The following NLRP1 variants were observed in gnomAD, a reference collection of about 807,000 sequenced individuals.
The protein encoded by NLRP1 is NACHT, LRR and PYD domains-containing protein 1.
A neutral mutation model predicts 136.7 loss-of-function variants in NLRP1; 94 were observed. The ratio of observed to expected loss-of-function variants is 0.69; its 90% CI spans 0.58 to 0.82. NLRP1 has a LOEUF of 0.82. NLRP1 is among the 40% of genes least tolerant of loss of function. NLRP1 has a pLI of 0.00. For synonymous variants in NLRP1, 690 were observed against 725.1 expected (o/e 0.95, Z 0.78); for missense variants, 1,575 against 1,802.7 (o/e 0.87, Z 2.29).
At chr17:5,525,805 G>A (rs1909461130) in intron 12 of NLRP1, among the ~76,000 whole-genome samples, 2 of 152,128 alleles carry the variant, frequency 1.3e-5, no homozygotes, top group African/African-American at 4.8e-5. Context: ...AGATTGACTG[G>A]GTTTGTGTCT....
In NLRP1 at chr17:5,517,819, C is replaced by T. The variant is rs1567630862; in HGVS notation, c.3984G>A (p.Leu1328=). The change falls in exon 15 of 17, where the codon TTG becomes TTA. Residue 1328 remains leucine, a synonymous_variant. Transcript: ENST00000572272. The part of the protein sequence containing the change: ...QLFSEFYVGH[L]GSGIRLQVKD... Reference sequence around the variant, plus strand: ...TCACTTGCAGCCTGATCCCTGATCCCAAGTGGCCAACGTAGAACTCCGAGA... The same window carrying T: ...TCACTTGCAGCCTGATCCCTGATCCTAAGTGGCCAACGTAGAACTCCGAGA... 1.2e-6 allele frequency: 2 copies of T among 1,614,098 alleles called. No homozygotes were observed. The highest frequency in any genetic ancestry group is 1.7e-6 in the Non-Finnish European group (2 of 1,180,050).
intron 12 of NLRP1, among the ~76,000 whole-genome samples, chr17:5,529,527 C>G (rs535126364): frequency 2.1e-4 from 32 of 152,136 alleles, no homozygotes; most frequent in Non-Finnish European, 3.7e-4. Flanking sequence ...GCCGCCACGC[C>G]CGGCTAATTT....
Position 5,539,402 on chromosome 17 carries a change from C to A in NLRP1, c.2870+13G>T. 1 of 1,607,184 alleles carries A rather than the reference C, an allele frequency of 6.2e-7. No homozygotes were observed. The highest frequency in any genetic ancestry group is 1.1e-5 in the South Asian group (1 of 90,014). On this transcript the variant is annotated intron_variant, in intron 7 of 16. Transcript: ENST00000572272. ...CTCTTCCCTCTGCCCAGAAGGGACCCACAGGGCCTTACCCCAGGCGTATGA... is the reference window on the plus strand; with the variant it reads ...CTCTTCCCTCTGCCCAGAAGGGACCAACAGGGCCTTACCCCAGGCGTATGA...
intron 5 of NLRP1, among the ~76,000 whole-genome samples, chr17:5,543,750 A>G (rs1013295675): frequency 6.6e-6 from 1 of 152,042 alleles, no homozygotes; most frequent in East Asian, 1.9e-4. Context: ...GAGGATGAGC[A>G]ACTGTCAGAG....
chr17:5,518,006 G>A, intron 14 of NLRP1, 119 bp from the exon 15 acceptor site: 1 of 896,128 alleles, frequency 1.1e-6, no homozygotes, highest in South Asian at 1.6e-5. Context: ...TCCCTGTACT[G>A]AAATCAACCA....
chr17:5,547,714 T>C (rs1051596395), intron 5 of NLRP1, among the ~76,000 whole-genome samples: 1 of 152,170 alleles, frequency 6.6e-6, no homozygotes, highest in Non-Finnish European at 1.5e-5. Context: ...TTTACTGGAC[T>C]CTGGTGGTTC....
downstream of NLRP1, among the ~76,000 whole-genome samples, chr17:5,511,552 G>A (rs1010317626): frequency 6.6e-6 from 1 of 151,980 alleles, no homozygotes; most frequent in African/African-American, 2.4e-5. Flanking sequence ...GCTCCACTTC[G>A]GGGCTCGCTG....
chr17:5,539,745 G>A, intron 6 of NLRP1, 160 bp from the exon 7 acceptor site: 1 of 900,268 alleles, frequency 1.1e-6, no homozygotes, highest in Non-Finnish European at 1.3e-6. Flanking sequence ...TAACCTGAGA[G>A]ATTTTCACTT....
intron 3 of NLRP1, among the ~76,000 whole-genome samples, chr17:5,569,604 G>A (rs892591564): frequency 6.6e-6 from 1 of 152,128 alleles, no homozygotes; most frequent in East Asian, 1.9e-4. Context: ...TCCAATACAG[G>A]AGCACCCAGA....
At chr17:5,554,115 T>C (rs1341658762) in intron 4 of NLRP1, among the ~76,000 whole-genome samples, 1 of 152,090 alleles carries the variant, frequency 6.6e-6, no homozygotes, top group Non-Finnish European at 1.5e-5. Context: ...GATGGAAGAC[T>C]GTATATGATC....
intron 5 of NLRP1, among the ~76,000 whole-genome samples, chr17:5,544,946 A>G (rs1040671920): frequency 1.3e-5 from 2 of 152,182 alleles, no homozygotes; most frequent in Admixed American, 6.5e-5. Flanking sequence ...TGATATGATT[A>G]TGGGAGCGGC....
Position 5,519,788 on chromosome 17 carries a change from C to CCTGCTTAT in NLRP1, c.3915+1085_3915+1092dup, listed in dbSNP as rs1301017619. ...ACTTGTCTCTCTGCTTTCACTCTTG[C>CCTGCTTAT]CTGCTTATCATTCGTTCTCACCCAG... On this transcript the variant is annotated intron_variant, in intron 14 of 16. Coordinates refer to ENST00000572272, the MANE Select transcript of NLRP1 (RefSeq NM_033004.4). Among the ~76,000 whole-genome samples, 6 of 150,782 alleles carry CCTGCTTAT rather than the reference C, an allele frequency of 4.0e-5. No homozygotes were observed. The Admixed American group carries it at 4.0e-4, about 10-fold the overall frequency.
At chr17:5,525,625 G>A (rs1165144031) in intron 12 of NLRP1, among the ~76,000 whole-genome samples, 2 of 152,180 alleles carry the variant, frequency 1.3e-5, no homozygotes, top group East Asian at 3.9e-4. Context: ...ATGAAGGTAG[G>A]GCACTAGAGG....
chr17:5,510,998 C>T (rs1041280891), downstream of NLRP1, among the ~76,000 whole-genome samples: 7 of 152,118 alleles, frequency 4.6e-5, no homozygotes, highest in African/African-American at 1.7e-4. Context: ...GTCAAACAAC[C>T]GTTTGACGCA....
At position 5,537,015 on chromosome 17, in the gene NLRP1, G is replaced by A; in HGVS notation, c.2871-75C>T. On this transcript the variant is annotated intron_variant, in intron 7 of 16. Transcript: ENST00000572272. This position sits in a 1 kb window ranked among gnomAD's most constrained non-coding sequence, Gnocchi z 4.5. ...CCAGGTCCCCAGGGCCCAGAATCCTGGGACCTGTCACCTTCTGAGGCAGCG... is the reference window on the plus strand; with the variant it reads ...CCAGGTCCCCAGGGCCCAGAATCCTAGGACCTGTCACCTTCTGAGGCAGCG... 2 of 1,064,322 alleles carry A rather than the reference G, an allele frequency of 1.9e-6. No homozygotes were observed. Among genetic ancestry groups the A allele is most frequent in the Non-Finnish European group, 2.9e-6 (2 of 685,872 alleles). 65.9% of individuals were successfully genotyped at this position (1,064,322 alleles called of 1,614,324 possible). A position where few individuals can be genotyped will look rare whatever the true frequency, so the allele number is the denominator to read the frequency against.
chr17:5,541,181 G>T lies in NLRP1; in HGVS notation c.2699+676C>A, dbSNP rs557087882. On this transcript the variant is annotated intron_variant, in intron 6 of 16. Transcript: ENST00000572272. This position sits in a 1 kb window ranked among gnomAD's most constrained non-coding sequence, Gnocchi z 4.2. ...TGCCTCAGGCTCCCTGAGTAGCTGG[G>T]ATTACAGGTGCCCACCATCACGCCT... Among the ~76,000 whole-genome samples, 1 of 152,124 alleles carries T rather than the reference G, an allele frequency of 6.6e-6. No individual in the cohort carries two copies. Among genetic ancestry groups the T allele is most frequent in the African/African-American group, 2.4e-5 (1 of 41,416 alleles).
At chr17:5,520,854 T>G in intron 14 of NLRP1, 27 bp downstream of exon 14, 2 of 1,531,244 alleles carry the variant, frequency 1.3e-6, no homozygotes, top group Non-Finnish European at 1.8e-6. Context: ...CTGTTCGCAG[T>G]GAAGAGGCAG....
intron 3 of NLRP1, among the ~76,000 whole-genome samples, chr17:5,572,712 A>G (rs777234609): frequency 4.6e-5 from 1 of 21,602 alleles, no homozygotes; most frequent in Non-Finnish European, 1.2e-4. Context: ...TTTGTCTCAG[A>G]AAAAAAAAAA....
At chr17:5,527,614 G>A (rs944835291) in intron 12 of NLRP1, among the ~76,000 whole-genome samples, 6 of 152,244 alleles carry the variant, frequency 3.9e-5, no homozygotes, top group East Asian at 1.9e-4. Context: ...CTAATTTCCC[G>A]GTTCATTATG....
Sources: gnomAD v4.1 joint callset for allele counts (sites outside exome capture counted in the v4.1 genomes callset) on GRCh38, gnomAD v4.1.1 for gene constraint, Gnocchi (gnomAD v3.1) non-coding constraint, MANE v1.5 for transcripts, NCBI Gene and HGNC (gene_info 2026-07-23, HGNC 2026-07-21) for gene names.